METTL16: variants seen among roughly 807,000 people sequenced by gnomAD.
The protein encoded by METTL16 is RNA N(6)-adenosine-methyltransferase METTL16.
A neutral mutation model predicts 57.9 loss-of-function variants in METTL16; 19 were observed. The ratio of observed to expected loss-of-function variants is 0.33; its 90% CI spans 0.23 to 0.48. The LOEUF is 0.48. Ranked by LOEUF, METTL16 falls within the 20% of genes least tolerant of loss-of-function variation. The probability of loss-of-function intolerance (pLI) is 0.99; values close to 1 mark genes in which losing one functional copy is unlikely to be tolerated. For synonymous variants in METTL16, 246 were observed against 255.6 expected, an observed-to-expected ratio of 0.96 and a Z score of 0.36; for missense variants, 434 against 691.5, an observed-to-expected ratio of 0.63 and a Z score of 4.18.
intron 2 of METTL16, among the ~76,000 whole-genome samples, chr17:2,488,935 C>T (rs2067363605): frequency 6.6e-6 from 1 of 152,080 alleles, no homozygotes. Flanking sequence ...AGAAAATGTC[C>T]ACTTTTTAAA....
intron 2 of METTL16, among the ~76,000 whole-genome samples, chr17:2,492,318 T>C (rs1487416969): frequency 2.0e-5 from 3 of 152,212 alleles, no homozygotes; most frequent in Non-Finnish European, 4.4e-5. Context: ...ATGGAACTGA[T>C]TATTGTGAAA....
intron 2 of METTL16, among the ~76,000 whole-genome samples, chr17:2,489,468 A>C (rs527460691): frequency 6.6e-6 from 1 of 152,216 alleles, no homozygotes; most frequent in South Asian, 2.1e-4. Flanking sequence ...CAGCCTGGCC[A>C]ACACGGTGAA....
At chr17:2,467,672 C>A (rs1270101664) in intron 5 of METTL16, 89 bp downstream of exon 5, 2 of 899,720 alleles carry the variant, frequency 2.2e-6, no homozygotes, top group South Asian at 1.4e-5. Flanking sequence ...ATGATTCACC[C>A]GCCTTGGCCT....
At chr17:2,478,383 T>C (rs888774959) in intron 2 of METTL16, among the ~76,000 whole-genome samples, 2 of 152,112 alleles carry the variant, frequency 1.3e-5, no homozygotes, top group Admixed American at 6.5e-5. Context: ...TACTTAAAAG[T>C]GGAAAGAAGT....
intron 4 of METTL16, among the ~76,000 whole-genome samples, chr17:2,471,568 T>C (rs1339315575): frequency 1.3e-5 from 2 of 151,982 alleles, no homozygotes; most frequent in Non-Finnish European, 2.9e-5. Flanking sequence ...GGCGGGCAGA[T>C]CACGAGGTCA....
chr17:2,449,539 A>ACAAT (rs2151555892), intron 6 of METTL16, among the ~76,000 whole-genome samples: 1 of 136,936 alleles, frequency 7.3e-6, no homozygotes, highest in East Asian at 1.9e-4. Context: ...AAACAAACAA[A>ACAAT]AAAAAACAAA....
intron 2 of METTL16, among the ~76,000 whole-genome samples, chr17:2,501,575 T>G (rs1307886122): frequency 6.6e-6 from 1 of 152,120 alleles, no homozygotes; most frequent in Non-Finnish European, 1.5e-5. Flanking sequence ...TAAAATATCT[T>G]TAGGCCAGGC....
At chr17:2,477,937 G>A in intron 2 of METTL16, 52 bp from the exon 3 acceptor site, 1 of 1,498,454 alleles carries the variant, frequency 6.7e-7, no homozygotes, top group South Asian at 1.1e-5. Flanking sequence ...TCACTATGTT[G>A]TACAAGCTCT....
intron 8 of METTL16, chr17:2,436,952 G>A (rs891607026): frequency 6.6e-6 from 1 of 151,586 alleles, no homozygotes; most frequent in Non-Finnish European, 1.5e-5. Flanking sequence ...CACGATCAGG[G>A]CTCACTGCAG....
At chr17:2,482,291 G>A (rs1000934306) in intron 2 of METTL16, among the ~76,000 whole-genome samples, 2 of 152,140 alleles carry the variant, frequency 1.3e-5, no homozygotes, top group East Asian at 3.8e-4. Flanking sequence ...GACGTTATTA[G>A]AGGACCTGCT....
At chr17:2,426,471 C>A (rs946140551) in intron 8 of METTL16, among the ~76,000 whole-genome samples, 1 of 152,102 alleles carries the variant, frequency 6.6e-6, no homozygotes, top group Admixed American at 6.5e-5. Context: ...TGGCTCACGC[C>A]TGTAATCCCA....
chr17:2,489,132 A>AT (rs2067365440), intron 2 of METTL16, among the ~76,000 whole-genome samples: 1 of 147,270 alleles, frequency 6.8e-6, no homozygotes, highest in African/African-American at 2.5e-5. Flanking sequence ...ATTTTTTTTT[A>AT]TTTTTTGTAG....
chr17:2,460,624 G>C (rs747438008), intron 6 of METTL16, among the ~76,000 whole-genome samples: 1 of 152,056 alleles, frequency 6.6e-6, no homozygotes, highest in Non-Finnish European at 1.5e-5. Context: ...GGTGGCTCAC[G>C]CCTGTAATCC....
intron 6 of METTL16, among the ~76,000 whole-genome samples, chr17:2,445,432 C>T (rs2066988218): frequency 6.6e-6 from 1 of 152,150 alleles, no homozygotes; most frequent in African/African-American, 2.4e-5. Flanking sequence ...ATTAAAACAT[C>T]ACCTTGTACC....
At chr17:2,457,407 A>T (rs1158305321) in intron 6 of METTL16, among the ~76,000 whole-genome samples, 1 of 145,308 alleles carries the variant, frequency 6.9e-6, no homozygotes, top group Admixed American at 7.0e-5. Flanking sequence ...CTCCTAGAAT[A>T]GTCAAGAGTT....
intron 8 of METTL16, among the ~76,000 whole-genome samples, chr17:2,422,693 G>A (rs12936055): frequency 1 from 152,262 of 152,262 alleles, 76,131 homozygotes; most frequent in Non-Finnish European, 1. Context: ...CTTTAAAGTA[G>A]AAACTTTAGG....
chr17:2,449,955 G>A (rs772388155), intron 6 of METTL16, among the ~76,000 whole-genome samples: 6 of 152,114 alleles, frequency 3.9e-5, no homozygotes, highest in African/African-American at 1.4e-4. Flanking sequence ...CTACCTACCC[G>A]TTAGAACAGA....
rs79501481 is a variant in METTL16, at chr17:2,478,902, G to A, written c.129-1017C>T. Among the ~76,000 whole-genome samples, 298 of 152,140 alleles carry A rather than the reference G, an allele frequency of 2.0e-3. 1 individual carries two copies. Among genetic ancestry groups the A allele is most frequent in the Admixed American group, 2.9e-3 (45 of 15,276 alleles). On this transcript the variant is annotated intron_variant, in intron 2 of 9. Coordinates refer to ENST00000263092, the MANE Select transcript of METTL16 (RefSeq NM_024086.4). ...TGAACATCTGGGTTGTTTCCATCAC[G>A]GTCATGATGGATTGTTGACCATCAC...
intron 6 of METTL16, among the ~76,000 whole-genome samples, chr17:2,443,206 T>C (rs1325485707): frequency 6.6e-6 from 1 of 152,136 alleles, no homozygotes; most frequent in Non-Finnish European, 1.5e-5. Flanking sequence ...TTGGACAGGC[T>C]GGTCTCAAAC....
Sources: gnomAD v4.1 joint callset for allele counts (sites outside exome capture counted in the v4.1 genomes callset) on GRCh38, gnomAD v4.1.1 for gene constraint, MANE v1.5 for transcripts, NCBI Gene and HGNC (gene_info 2026-07-23, HGNC 2026-07-21) for gene names.